The following FHOD3 variants were observed in gnomAD, a reference collection of about 807,000 sequenced individuals.
FHOD3 encodes the protein FH1/FH2 domain-containing protein 3.
FHOD3 carries 90 observed loss-of-function variants against 173.0 expected under a neutral mutation model. The observed-to-expected ratio is 0.52, with a 90% CI of 0.44 to 0.62. FHOD3 has a LOEUF of 0.62. FHOD3 is among the 20% of genes least tolerant of loss of function. FHOD3 has a pLI of 0.00. For missense variants in FHOD3, 1,945 were observed against 2,034.7 expected (o/e 0.96, Z 0.85); for synonymous variants, 828 against 823.0 (o/e 1.01, Z -0.10).
At chr18:36,458,414 G>C (rs754419766) in intron 3 of FHOD3, among the ~76,000 whole-genome samples, 1 of 152,050 alleles carries the variant, frequency 6.6e-6, no homozygotes, top group African/African-American at 2.4e-5. Context: ...TTGGCAGCAC[G>C]TACTTCCAAC....
chr18:36,372,622 A>G, intron 2 of FHOD3, 58 bp from the exon 3 acceptor site: 2 of 1,458,310 alleles, frequency 1.4e-6, no homozygotes, highest in Non-Finnish European at 1.9e-6. Context: ...GATTGACAGC[A>G]TGTGAGGTGT....
intron 3 of FHOD3, among the ~76,000 whole-genome samples, chr18:36,457,498 A>G (rs977982865): frequency 6.6e-6 from 1 of 152,122 alleles, no homozygotes; most frequent in Non-Finnish European, 1.5e-5. Flanking sequence ...TTTACATTCA[A>G]ATACGAAGGG....
intron 2 of FHOD3, among the ~76,000 whole-genome samples, chr18:36,371,018 G>A (rs2047161575): frequency 6.6e-6 from 1 of 152,200 alleles, no homozygotes; most frequent in Non-Finnish European, 1.5e-5. Context: ...ATATGTTTTT[G>A]TGGAAATCTG....
At chr18:36,675,769 A>G (rs1234702459) in intron 14 of FHOD3, among the ~76,000 whole-genome samples, 1 of 152,202 alleles carries the variant, frequency 6.6e-6, no homozygotes, top group African/African-American at 2.4e-5. Context: ...TTGATTCATC[A>G]GACAGTGAGG....
chr18:36,472,869 C>T (rs1224818319), intron 3 of FHOD3, among the ~76,000 whole-genome samples: 4 of 152,114 alleles, frequency 2.6e-5, no homozygotes, highest in Non-Finnish European at 5.9e-5. Context: ...CTGCTGTGAA[C>T]ATTGAAGGGG....
chr18:36,522,030 C>T (rs1031753245), intron 5 of FHOD3, among the ~76,000 whole-genome samples: 13 of 152,134 alleles, frequency 8.5e-5, no homozygotes, highest in Admixed American at 3.9e-4. Flanking sequence ...CCCTGGTTCC[C>T]GAGTATTTTG....
chr18:36,536,675 G>C (rs2057008533), intron 5 of FHOD3, among the ~76,000 whole-genome samples: 1 of 152,146 alleles, frequency 6.6e-6, no homozygotes, highest in Non-Finnish European at 1.5e-5. Context: ...ATCTGGTTAG[G>C]ATCAAAGGAG....
chr18:36,455,310 A>G (rs760426065), intron 3 of FHOD3, among the ~76,000 whole-genome samples: 1 of 152,208 alleles, frequency 6.6e-6, no homozygotes, highest in African/African-American at 2.4e-5. Flanking sequence ...TGATCCTAGC[A>G]ACAGTCTGTT....
intron 4 of FHOD3, among the ~76,000 whole-genome samples, chr18:36,509,294 G>GC (rs563989763): frequency 3.6e-4 from 54 of 152,088 alleles, no homozygotes; most frequent in Admixed American, 8.5e-4. Context: ...GGGCATGGTG[G>GC]CGGGCGCCTG....
chr18:36,710,038 G>C (rs1251287051), intron 18 of FHOD3: 2 of 152,116 alleles, frequency 1.3e-5, no homozygotes, highest in African/African-American at 4.8e-5. Context: ...ATATCTTTTT[G>C]ATGTTACACT....
At chr18:36,709,618 A>T (rs1044182890) in intron 18 of FHOD3, 3 of 542,098 alleles carry the variant, frequency 5.5e-6, no homozygotes, top group Non-Finnish European at 9.8e-6. Flanking sequence ...CTGCCACACC[A>T]TCACATTCAT....
At chr18:36,713,267 ACAT>A (rs1330884944) in intron 18 of FHOD3, among the ~76,000 whole-genome samples, 9 of 152,224 alleles carry the variant, frequency 5.9e-5, no homozygotes, top group African/African-American at 1.9e-4. Context: ...AAAAATTATA[ACAT>A]CATGTGATGT....
intron 3 of FHOD3, among the ~76,000 whole-genome samples, chr18:36,500,053 TG>T (rs1382529881): frequency 1.3e-5 from 2 of 152,180 alleles, no homozygotes; most frequent in African/African-American, 4.8e-5. Context: ...TGCCCCAGGA[TG>T]TGAGAGAAAA....
intron 3 of FHOD3, among the ~76,000 whole-genome samples, chr18:36,498,493 T>C (rs2054858743): frequency 6.6e-6 from 1 of 152,188 alleles, no homozygotes; most frequent in Non-Finnish European, 1.5e-5. Flanking sequence ...AGGACATTGC[T>C]ACAGTTAATA....
intron 3 of FHOD3, among the ~76,000 whole-genome samples, chr18:36,377,904 C>T (rs2047528738): frequency 6.6e-6 from 1 of 152,206 alleles, no homozygotes; most frequent in Admixed American, 6.5e-5. Flanking sequence ...CTGCATTCCA[C>T]AAGAAGCTGC....
At chr18:36,741,099 T>G (rs540848476) in intron 21 of FHOD3, among the ~76,000 whole-genome samples, 1 of 151,430 alleles carries the variant, frequency 6.6e-6, no homozygotes. Flanking sequence ...AACAATTACA[T>G]TTTTTTTTCA....
chr18:36,456,950 G>A (rs2052254866), intron 3 of FHOD3, among the ~76,000 whole-genome samples: 1 of 152,132 alleles, frequency 6.6e-6, no homozygotes, highest in African/African-American at 2.4e-5. Context: ...GGAGGATTCT[G>A]TGTTTCCCTG....
intron 8 of FHOD3, 30 bp downstream of exon 8, chr18:36,602,798 C>A (rs373545794): frequency 5.9e-6 from 9 of 1,521,730 alleles, no homozygotes; most frequent in Admixed American, 5.0e-5. Context: ...GGTTGAATTG[C>A]GTCACCTAAA....
rs753760476 is a variant in FHOD3, at chr18:36,760,716, T to G, written c.4558T>G (p.Ser1520Ala). ...GAACATGAAGGCTGTGCTGAAAACC[T>G]CGTCCCCCTCCGTGGAGGACGCCAC... ...HENMKAVLKT[S>A]SPSVEDATPA... Residue 1520 changes from serine (S) to alanine (A), a missense_variant, in exon 27 of 29, where the codon TCG (serine) becomes GCG (alanine). Ser to Ala is a moderately conservative substitution (Grantham distance 99). This residue lies in a region of FHOD3 where 354 missense variants were observed against 359.9 expected (regional missense o/e 0.98). Transcript: ENST00000590592. 52 of 1,613,048 alleles carry G rather than the reference T, an allele frequency of 3.2e-5. No homozygotes were observed. The highest frequency in any genetic ancestry group is 4.1e-5 in the Non-Finnish European group (48 of 1,179,998).
Sources: gnomAD v4.1 joint callset for allele counts (sites outside exome capture counted in the v4.1 genomes callset) on GRCh38, gnomAD v4.1.1 for gene constraint, gnomAD v4.1.1 regional missense constraint, MANE v1.5 for transcripts, NCBI Gene and HGNC (gene_info 2026-07-23, HGNC 2026-07-21) for gene names.